ASTN2: variants seen among roughly 807,000 people sequenced by gnomAD.
ASTN2 encodes astrotactin 2, also known as astrotactin-2.
A neutral mutation model predicts 139.8 loss-of-function variants in ASTN2; 54 were observed. That is an observed-to-expected ratio of 0.39 (90% CI 0.31 to 0.48). ASTN2 has a LOEUF of 0.48. Ranked by LOEUF, ASTN2 falls within the 20% of genes least tolerant of loss-of-function variation. ASTN2 has a pLI of 0.95. For missense variants in ASTN2, 1,565 were observed against 1,725.1 expected (o/e 0.91, Z 1.64); for synonymous variants, 756 against 719.5 (o/e 1.05, Z -0.81).
intron 1 of ASTN2, among the ~76,000 whole-genome samples, chr9:117,352,835 A>G (rs1453458967): frequency 6.6e-6 from 1 of 152,228 alleles, no homozygotes; most frequent in African/African-American, 2.4e-5. Context: ...TTAGCCATAA[A>G]AAAGAATGAA....
chr9:117,393,467 T>C (rs1830596605), intron 1 of ASTN2, among the ~76,000 whole-genome samples: 1 of 150,496 alleles, frequency 6.6e-6, no homozygotes, highest in African/African-American at 2.5e-5. Context: ...AGAGAAGAAA[T>C]TTAAAAAGTG....
At chr9:116,834,406 T>C (rs1380334550) in intron 11 of ASTN2, among the ~76,000 whole-genome samples, 1 of 152,220 alleles carries the variant, frequency 6.6e-6, no homozygotes, top group Non-Finnish European at 1.5e-5. Flanking sequence ...TATCCAACCA[T>C]CATTGTAGAA....
intron 4 of ASTN2, among the ~76,000 whole-genome samples, chr9:117,138,925 A>C (rs1453344753): frequency 6.6e-6 from 1 of 152,224 alleles, no homozygotes; most frequent in Non-Finnish European, 1.5e-5. Context: ...GGAGCAGCCC[A>C]AATGCCTAAT....
intron 10 of ASTN2, among the ~76,000 whole-genome samples, chr9:116,971,768 A>G (rs1836212190): frequency 1.3e-5 from 2 of 152,232 alleles, no homozygotes; most frequent in Non-Finnish European, 2.9e-5. Context: ...TAATGCTTCT[A>G]AAGAGTTCAC....
intron 5 of ASTN2, among the ~76,000 whole-genome samples, chr9:117,061,482 T>G (rs150435861): frequency 1.2e-3 from 172 of 140,580 alleles, no homozygotes; most frequent in African/African-American, 4.4e-3. Flanking sequence ...TATATCAAAC[T>G]TTTACATAGG....
intron 1 of ASTN2, among the ~76,000 whole-genome samples, chr9:117,314,171 C>T (rs1009974090): frequency 3.3e-5 from 5 of 152,178 alleles, no homozygotes; most frequent in Non-Finnish European, 7.4e-5. Context: ...TCATAAAACA[C>T]TGCTAACAAT....
At chr9:117,146,161 A>G (rs999401880) in intron 3 of ASTN2, among the ~76,000 whole-genome samples, 1 of 152,088 alleles carries the variant, frequency 6.6e-6, no homozygotes, top group African/African-American at 2.4e-5. Flanking sequence ...CAGCAGCTCT[A>G]TCGATATCAG....
At chr9:117,027,185 T>C (rs990992980) in intron 6 of ASTN2, among the ~76,000 whole-genome samples, 9 of 152,134 alleles carry the variant, frequency 5.9e-5, no homozygotes, top group Non-Finnish European at 7.4e-5. Flanking sequence ...CTCCCAACCC[T>C]ACAGATTAAG....
intron 12 of ASTN2, among the ~76,000 whole-genome samples, chr9:116,818,203 T>C (rs1346975718): frequency 6.6e-6 from 1 of 152,244 alleles, no homozygotes; most frequent in Non-Finnish European, 1.5e-5. Flanking sequence ...ATTATTAACC[T>C]GGTTGCAAAC....
intron 16 of ASTN2, among the ~76,000 whole-genome samples, chr9:116,697,152 T>C (rs889564633): frequency 6.6e-6 from 1 of 152,206 alleles, no homozygotes; most frequent in Non-Finnish European, 1.5e-5. Flanking sequence ...TTGCATGTTA[T>C]ACTTATTCCT....
chr9:116,722,478 C>T (rs1455563050), intron 16 of ASTN2, among the ~76,000 whole-genome samples: 1 of 152,168 alleles, frequency 6.6e-6, no homozygotes, highest in Non-Finnish European at 1.5e-5. Flanking sequence ...TGGCCAGGGT[C>T]CCATCATTAT....
At chr9:116,711,266 T>A (rs1237573509) in intron 16 of ASTN2, among the ~76,000 whole-genome samples, 1 of 152,194 alleles carries the variant, frequency 6.6e-6, no homozygotes, top group Non-Finnish European at 1.5e-5. Flanking sequence ...CTACAACTAC[T>A]CTTCAATGCC....
intron 17 of ASTN2, among the ~76,000 whole-genome samples, chr9:116,632,160 GAGAGAGAGAGAGAGAGAGAGAGAGGGA>G (rs1564168668): frequency 3.2e-4 from 10 of 31,478 alleles, no homozygotes; most frequent in African/African-American, 1.5e-3. Flanking sequence ...GAGAGAGACA[GAGAGAGAGAGAGAGAGAGAGAGAGGGA>G]GAGAGAGAGA....
intron 4 of ASTN2, among the ~76,000 whole-genome samples, chr9:117,097,003 T>C (rs1045965974): frequency 6.6e-6 from 1 of 152,150 alleles, no homozygotes; most frequent in Admixed American, 6.5e-5. Flanking sequence ...TTTGGTTTCA[T>C]GGAAGGTTCT....
chr9:117,269,024 C>A (rs1245681828), intron 2 of ASTN2, among the ~76,000 whole-genome samples: 2 of 152,210 alleles, frequency 1.3e-5, no homozygotes, highest in Non-Finnish European at 2.9e-5. Flanking sequence ...GAGCATAAGA[C>A]AAGCAATCAG....
intron 1 of ASTN2, among the ~76,000 whole-genome samples, chr9:117,309,807 G>A (rs141455091): frequency 2.1e-3 from 314 of 152,280 alleles, no homozygotes; most frequent in African/African-American, 7.1e-3. Context: ...AAGCAGATGG[G>A]TGGTTCCAGA....
chr9:116,911,916 C>T (rs1057468189), intron 10 of ASTN2, among the ~76,000 whole-genome samples: 2 of 151,560 alleles, frequency 1.3e-5, no homozygotes, highest in Non-Finnish European at 2.9e-5. Context: ...AACAAACAAA[C>T]AAAACCTCTG....
At chr9:117,130,697 T>C (rs1829807332) in intron 4 of ASTN2, among the ~76,000 whole-genome samples, 1 of 152,248 alleles carries the variant, frequency 6.6e-6, no homozygotes, top group Admixed American at 6.5e-5. Context: ...GTTTACTACA[T>C]GACTTGCCTG....
At chr9:116,595,338 T>TTGC (rs1230733870) in intron 19 of ASTN2, among the ~76,000 whole-genome samples, 7 of 151,844 alleles carry the variant, frequency 4.6e-5, no homozygotes, top group Non-Finnish European at 1.0e-4. Flanking sequence ...GTTGCTGTTG[T>TTGC]TGTTGTTGAG....
Sources: allele counts gnomAD v4.1 joint callset (sites outside exome capture counted in the v4.1 genomes callset), GRCh38; gene constraint gnomAD v4.1.1; transcripts MANE v1.5; gene names NCBI Gene and HGNC (gene_info 2026-07-23, HGNC 2026-07-21).